CRTC2: variants seen among roughly 807,000 people sequenced by gnomAD.
CRTC2 encodes the protein CREB-regulated transcription coactivator 2.
Under a neutral mutation model 70.9 loss-of-function variants are expected in CRTC2, and 25 were observed. That is an observed-to-expected ratio of 0.35 (90% CI 0.26 to 0.49). The LOEUF (loss-of-function observed/expected upper bound fraction) is 0.49, where lower values mean the gene tolerates loss of function less well. CRTC2 is among the 20% of genes least tolerant of loss of function. The probability of loss-of-function intolerance (pLI) is 0.98; values close to 1 mark genes in which losing one functional copy is unlikely to be tolerated. For synonymous variants in CRTC2, 330 were observed against 364.1 expected (o/e 0.91, Z 1.07); for missense variants, 737 against 882.6 (o/e 0.83, Z 2.09).
chr1:153,951,914 G>T, intron 10 of CRTC2, 104 bp downstream of exon 10: 1 of 1,434,262 alleles, frequency 7.0e-7, no homozygotes. Context: ...GGTGACAGGC[G>T]GTGTGGGTGA....
intron 11 of CRTC2, among the ~76,000 whole-genome samples, chr1:153,950,108 T>G (rs2102104342): frequency 6.6e-6 from 1 of 152,316 alleles, no homozygotes; most frequent in East Asian, 1.9e-4. Flanking sequence ...AATTTTTTAT[T>G]TGTTGTAGAG....
At chr1:153,948,848 C>CGTG (rs1680166708) in intron 12 of CRTC2, 7 of 747,508 alleles carry the variant, frequency 9.4e-6, no homozygotes, top group Non-Finnish European at 1.6e-5. Flanking sequence ...TGGGCCAGAG[C>CGTG]ATGTGCATGC....
Position 153,952,380 on chromosome 1 carries a change from C to T in CRTC2, c.752+17G>A, listed in dbSNP as rs1333548083. 1.9e-6 allele frequency: 3 copies of T among 1,613,800 alleles called. No homozygotes were observed. Among genetic ancestry groups the T allele is most frequent in the Admixed American group, 1.7e-5 (1 of 60,018 alleles). On this transcript the variant is annotated intron_variant, in intron 9 of 13. Transcript: ENST00000368633. ...CTTCCTTCCCCCACCTCTCAGCCAA[C>T]CTCAGGGAGTACTTACTTAATTCCA...
In CRTC2 at chr1:153,953,610, G is replaced by C. The variant is rs1434616286; in HGVS notation, c.435-4C>G. 1 of 1,605,890 alleles carries C rather than the reference G, an allele frequency of 6.2e-7. No homozygotes were observed. Among genetic ancestry groups the C allele is most frequent in the Non-Finnish European group, 8.5e-7 (1 of 1,176,762 alleles). On this transcript the variant is annotated splice_region_variant and splice_polypyrimidine_tract_variant and intron_variant, in intron 4 of 13. Coordinates refer to ENST00000368633, the MANE Select transcript of CRTC2 (RefSeq NM_181715.3). ...GAAATTGCCCCAGGCCATCGTCCTGGGGTAGAAAAACAAAGTCATGAGGAG... is the reference window on the plus strand; with the variant it reads ...GAAATTGCCCCAGGCCATCGTCCTGCGGTAGAAAAACAAAGTCATGAGGAG...
At chr1:153,948,930 G>T (rs774707967) in intron 12 of CRTC2, 185 bp downstream of exon 12, 6 of 762,732 alleles carry the variant, frequency 7.9e-6, no homozygotes, top group South Asian at 1.5e-5. Flanking sequence ...CAGGAGTAGG[G>T]TCAAACGCAG....
chr1:153,948,183 T>G lies in CRTC2; in HGVS notation c.2008A>C (p.Met670Leu). 1 of 1,614,244 alleles carries G rather than the reference T, an allele frequency of 6.2e-7. No homozygotes were observed. Among genetic ancestry groups the G allele is most frequent in the Non-Finnish European group, 8.5e-7 (1 of 1,180,038 alleles). ...AGCAGGGCACAGGGGTCACTCAGCA[T>G]GTTTAGCCCTTCCAGGCCCAGTGGC... is the stretch of plus-strand genomic sequence containing the variant. ...MEPLGLEGLNMLSDPCALLPD... is the reference protein window; with the variant it reads ...MEPLGLEGLNLLSDPCALLPD... The change falls in exon 14 of 14, where the codon ATG becomes CTG. Residue 670 changes from methionine to leucine, a missense_variant. Met to Leu is a conservative substitution (Grantham distance 15, BLOSUM62 2). This residue lies in a region of CRTC2 where 699 missense variants were observed against 823.7 expected (regional missense o/e 0.85). Coordinates refer to ENST00000368633, the MANE Select transcript of CRTC2 (RefSeq NM_181715.3).
chr1:153,953,504 A>C, intron 5 of CRTC2, 34 bp downstream of exon 5: 1 of 1,592,562 alleles, frequency 6.3e-7, no homozygotes, highest in Non-Finnish European at 8.6e-7. Flanking sequence ...ACTACAGATA[A>C]GAGATCTGGC....
At chr1:153,954,447 C>G (rs1680522337) in intron 3 of CRTC2, 131 bp from the exon 4 acceptor site, 4 of 693,622 alleles carry the variant, frequency 5.8e-6, no homozygotes, top group Admixed American at 4.5e-5. Context: ...TAAGGGACAA[C>G]AATAGGATCA....
chr1:153,953,708 T>C (rs1314067912), intron 4 of CRTC2, 102 bp from the exon 5 acceptor site: 2 of 703,698 alleles, frequency 2.8e-6, no homozygotes, highest in African/African-American at 3.6e-5. Flanking sequence ...GAAGTAAAGA[T>C]GGCTGAGCAC....
In CRTC2 at chr1:153,955,511, A is replaced by G. The variant is rs192915922; in HGVS notation, c.154-345T>C. ...GAACCTGGGAGGTGGAGGTTGCAGT[A>G]AGCCGAGACTGTGCCACTGCACTGC... On this transcript the variant is annotated intron_variant, in intron 1 of 13. Coordinates refer to ENST00000368633, the MANE Select transcript of CRTC2 (RefSeq NM_181715.3). 1.3e-3 allele frequency among the ~76,000 whole-genome samples: 192 copies of G among 149,982 alleles called. 5 individuals carry two copies. Among genetic ancestry groups the G allele is most frequent in the Admixed American group, 0.01 (151 of 15,012 alleles).
chr1:153,955,661 A>AC (rs1392620745), intron 1 of CRTC2, among the ~76,000 whole-genome samples: 1 of 149,732 alleles, frequency 6.7e-6, no homozygotes, highest in African/African-American at 2.5e-5. Flanking sequence ...CGCCTGGGTG[A>AC]CAGACTGAGA....
rs1236016881 is a variant in CRTC2, at chr1:153,949,341, A to G, written c.1448T>C (p.Leu483Ser). The G allele has an allele frequency of 6.2e-7, 1 of 1,613,672 alleles. No individual in the cohort carries two copies. The highest frequency in any genetic ancestry group is 1.7e-5 in the Admixed American group (1 of 59,976). Residue 483 changes from leucine to serine, a missense_variant, in exon 12 of 14, where the codon TTA becomes TCA. Physicochemically the swap from Leu to Ser is moderately radical, Grantham distance 145. Transcript: ENST00000368633. ...DTSKLSTDQRLPPYPYSSPSL... is the reference protein window; with the variant it reads ...DTSKLSTDQRSPPYPYSSPSL... ...TGGGGAGCTGTATGGGTATGGGGGT[A>G]ACCGCTGGTCAGTGGACAGTTTACT... is the stretch of plus-strand genomic sequence containing the variant.
Position 153,952,916 on chromosome 1 carries a change from G to C in CRTC2, c.608-82C>G, listed in dbSNP as rs1247226189. The C allele has an allele frequency of 2.6e-6, 4 of 1,534,648 alleles. No homozygotes were observed. In the African/African-American group the frequency reaches 5.5e-5, roughly 21 times the overall value. ...AGCTCCATGGAGGCCGGGTATGGTG[G>C]CTCATGCCTGTAATCCCAGCACTTT... On this transcript the variant is annotated intron_variant, in intron 6 of 13. Transcript: ENST00000368633.
intron 11 of CRTC2, among the ~76,000 whole-genome samples, chr1:153,949,850 C>CAAA (rs34475872): frequency 1.4e-5 from 2 of 139,304 alleles, no homozygotes. Context: ...ACTCCGTCTC[C>CAAA]AAAAAAAAAA....
rs546477802 is a variant in CRTC2 at position 153,951,765 on chromosome 1, G to A, written c.998-99C>T. 1.5e-4 allele frequency: 196 copies of A among 1,334,044 alleles called. 1 individual carries two copies. The African/African-American group carries it at 2.4e-3, about 16-fold the overall frequency. 82.6% of individuals were successfully genotyped at this position (1,334,044 alleles called of 1,614,324 possible). A position where few individuals can be genotyped will look rare whatever the true frequency, so the allele number is the denominator to read the frequency against. On this transcript the variant is annotated intron_variant, in intron 10 of 13. Coordinates refer to ENST00000368633, the MANE Select transcript of CRTC2 (RefSeq NM_181715.3). The stretch of plus-strand genomic sequence containing the variant: ...GTGGCAGTGACCAGACTATGAAAGC[G>A]GCAACACAACGTCCTCCCTACTCTA...
intron 7 of CRTC2, 36 bp from the exon 8 acceptor site, chr1:153,952,671 G>C: frequency 1.2e-6 from 2 of 1,612,736 alleles, no homozygotes; most frequent in Non-Finnish European, 1.7e-6. Flanking sequence ...GAGAGTTGGA[G>C]AAAGAGCCAG....
rs1236601793 is a variant in CRTC2, at chr1:153,952,817, T to C, written c.625A>G (p.Met209Val). 2 of 1,614,220 alleles carry C rather than the reference T, an allele frequency of 1.2e-6. No individual in the cohort carries two copies. Among genetic ancestry groups the C allele is most frequent in the Non-Finnish European group, 1.7e-6 (2 of 1,180,024 alleles). The change falls in exon 7 of 14, where the codon ATG becomes GTG. Residue 209 changes from methionine to valine, a missense_variant. By Grantham distance (21) the Met-to-Val change is conservative. Around this residue, in one of 3 missense-constraint regions of CRTC2, gnomAD observed 699 missense variants for 823.7 expected, o/e 0.85. Transcript: ENST00000368633. Reference protein sequence around the residue: ...SRRGGILDGEMDPKVPAIEEN... With the variant: ...SRRGGILDGEVDPKVPAIEEN... ...GAGGAACACATACCTTTGGGGTCCA[T>C]TTCACCATCCAGAATACCTGCAAGG...
At chr1:153,950,329 A>C (rs1338619676) in intron 11 of CRTC2, among the ~76,000 whole-genome samples, 1 of 152,192 alleles carries the variant, frequency 6.6e-6, no homozygotes, top group Non-Finnish European at 1.5e-5. Context: ...GGGTGGGAAA[A>C]GAAAGAAAGA....
Position 153,948,215 on chromosome 1 carries a change from C to T in CRTC2, c.1976G>A (p.Arg659His), listed in dbSNP as rs551248341. The T allele has an allele frequency of 6.4e-5, 104 of 1,614,244 alleles. No homozygotes were observed. In the Admixed American group the frequency reaches 8.3e-4, roughly 13 times the overall value. Residue 659 changes from arginine to histidine, a missense_variant, in exon 14 of 14, where the codon CGC becomes CAC. Transcript: ENST00000368633. ...ELGLGLEDEL[R>H]MEPLGLEGLN... ...CCCTTCCAGGCCCAGTGGCTCCATGCGCAGCTCATCTTCTAGCCCAAGCCC... is the reference window on the plus strand; with the variant it reads ...CCCTTCCAGGCCCAGTGGCTCCATGTGCAGCTCATCTTCTAGCCCAAGCCC...
Sources: gnomAD v4.1 joint callset for allele counts (sites outside exome capture counted in the v4.1 genomes callset) on GRCh38, gnomAD v4.1.1 for gene constraint, gnomAD v4.1.1 regional missense constraint, MANE v1.5 for transcripts, NCBI Gene and HGNC (gene_info 2026-07-23, HGNC 2026-07-21) for gene names.